The following SENP7 variants were observed in gnomAD, a reference collection of about 807,000 sequenced individuals.
SENP7 encodes the protein SUMO specific peptidase 7, also known as sentrin-specific protease 7.
SENP7 carries 64 observed loss-of-function variants against 141.2 expected under a neutral mutation model. That is an observed-to-expected ratio of 0.45 (90% CI 0.37 to 0.56). The LOEUF (loss-of-function observed/expected upper bound fraction) is 0.56, where lower values mean the gene tolerates loss of function less well. Among genes scored for constraint, SENP7 ranks in the 20% least tolerant of loss-of-function variants. SENP7 has a pLI of 0.00. For synonymous variants in SENP7, 382 were observed against 426.4 expected (o/e 0.90, Z 1.28); for missense variants, 1,025 against 1,212.2 (o/e 0.85, Z 2.29).
intron 3 of SENP7, 94 bp from the exon 4 acceptor site, chr3:101,459,146 C>T (rs77035222): frequency 9.8e-5 from 62 of 632,526 alleles, no homozygotes; most frequent in African/African-American, 5.4e-4. Flanking sequence ...TTGTTATAAA[C>T]GATCAAATAC....
At chr3:101,498,461 T>G (rs774973373) in intron 2 of SENP7, among the ~76,000 whole-genome samples, 1 of 152,076 alleles carries the variant, frequency 6.6e-6, no homozygotes, top group Non-Finnish European at 1.5e-5. Context: ...ATAACCTTAA[T>G]CTAATCTTGA....
intron 13 of SENP7, 88 bp from the exon 14 acceptor site, chr3:101,344,042 G>GTTGGAATA (rs2059392962): frequency 1.1e-6 from 1 of 931,918 alleles, no homozygotes; most frequent in African/African-American, 1.7e-5. Flanking sequence ...TAATAGTAAG[G>GTTGGAATA]TTGGAATATA....
chr3:101,351,629 A>G lies in SENP7; in HGVS notation c.1646T>C (p.Ile549Thr). The G allele has an allele frequency of 7.4e-7, 1 of 1,352,748 alleles. No individual in the cohort carries two copies. Among genetic ancestry groups the G allele is most frequent in the Non-Finnish European group, 9.7e-7 (1 of 1,029,452 alleles). 83.8% of individuals were successfully genotyped at this position (1,352,748 alleles called of 1,614,324 possible). The part of the protein sequence containing the change: ...CVTITKKYIK[I>T]PFQVSLNEIS... ...GAATGATAACTTACCTTGAAATGGG[A>G]TCTTAATATATTTTTTTGTGATCTG... Residue 549 changes from isoleucine to threonine, a missense_variant, in exon 12 of 24, where the codon ATC (isoleucine) becomes ACC (threonine). This residue lies in a region of SENP7 where 228 missense variants were observed against 228.5 expected (regional missense o/e 1.00). Transcript: ENST00000394095.
intron 3 of SENP7, among the ~76,000 whole-genome samples, chr3:101,477,193 G>A (rs1445299946): frequency 4.6e-5 from 7 of 151,942 alleles, no homozygotes; most frequent in Admixed American, 4.6e-4. Context: ...GCCCTGAATG[G>A]TATTACCTAA....
chr3:101,381,568 C>A (rs1435022178), intron 6 of SENP7, among the ~76,000 whole-genome samples: 2 of 151,648 alleles, frequency 1.3e-5, no homozygotes, highest in Admixed American at 6.6e-5. Context: ...CATTATTGTT[C>A]AAATTAGGAA....
Position 101,336,130 on chromosome 3 carries a change from T to C in SENP7, c.2480+1379A>G, listed in dbSNP as rs182312372. 4.6e-5 allele frequency among the ~76,000 whole-genome samples: 7 copies of C among 152,348 alleles called. No individual in the cohort carries two copies. The East Asian group carries it at 1.3e-3, about 29-fold the overall frequency. On this transcript the variant is annotated intron_variant, in intron 17 of 23. Transcript: ENST00000394095. ...GTTGAACTTTGAAACTGGAAAGCTATATCCAACTTTGAAAAACTCATATAA... is the reference window on the plus strand; with the variant it reads ...GTTGAACTTTGAAACTGGAAAGCTACATCCAACTTTGAAAAACTCATATAA...
At chr3:101,450,538 A>T (rs2063089601) in intron 4 of SENP7, among the ~76,000 whole-genome samples, 2 of 152,162 alleles carry the variant, frequency 1.3e-5, no homozygotes, top group African/African-American at 2.4e-5. Flanking sequence ...GCAATTAAAC[A>T]AGAACTCACG....
At chr3:101,358,028 G>T in intron 11 of SENP7, 1 of 591,994 alleles carries the variant, frequency 1.7e-6, no homozygotes, top group South Asian at 1.7e-5. Context: ...TGTTAAATGT[G>T]GCAAAGCCTT....
At chr3:101,358,112 T>C (rs1201421098) in intron 11 of SENP7, 8 of 530,022 alleles carry the variant, frequency 1.5e-5, no homozygotes, top group Non-Finnish European at 2.6e-5. Flanking sequence ...TGTGGCAAAA[T>C]TTTAACTGTT....
chr3:101,509,436 A>T (rs553039909), intron 1 of SENP7, among the ~76,000 whole-genome samples: 2 of 151,778 alleles, frequency 1.3e-5, no homozygotes, highest in South Asian at 2.1e-4. Context: ...AAAGGCTAAC[A>T]TTTTTTTTAC....
chr3:101,347,959 T>C lies in SENP7; in HGVS notation c.1750A>G (p.Ser584Gly). The change falls in exon 13 of 24, where the codon AGT (serine) becomes GGT (glycine). Residue 584 changes from serine (S) to glycine (G), a missense_variant. This residue lies in a region of SENP7 where 228 missense variants were observed against 228.5 expected (regional missense o/e 1.00). Transcript: ENST00000394095. ...KSKDDNHSKRSHAILFFWVSS... is the reference protein window; with the variant it reads ...KSKDDNHSKRGHAILFFWVSS... ...ACCCAGAAGAAAAGAATAGCATGAC[T>C]CCTTTTACTGTGATTATCATCCTTA... 6.2e-7 allele frequency: 1 copy of C among 1,610,388 alleles called. No individual in the cohort carries two copies. Among genetic ancestry groups the C allele is most frequent in the Non-Finnish European group, 8.5e-7 (1 of 1,177,236 alleles).
intron 5 of SENP7, among the ~76,000 whole-genome samples, chr3:101,403,818 C>CGA (rs2061222810): frequency 6.6e-6 from 1 of 152,088 alleles, no homozygotes; most frequent in Non-Finnish European, 1.5e-5. Flanking sequence ...CAATCTCATT[C>CGA]ATAACAGCCA....
intron 3 of SENP7, among the ~76,000 whole-genome samples, chr3:101,466,479 G>A (rs1009016996): frequency 1.3e-5 from 2 of 152,134 alleles, no homozygotes; most frequent in Non-Finnish European, 2.9e-5. Context: ...TAAAATGTCA[G>A]TCAATAATAC....
chr3:101,412,823 A>C (rs1237926837), intron 5 of SENP7, among the ~76,000 whole-genome samples: 1 of 152,156 alleles, frequency 6.6e-6, no homozygotes, highest in Non-Finnish European at 1.5e-5. Context: ...TGAACCATAC[A>C]TGGAGATAAA....
chr3:101,393,354 TAAAAGCTTTTGTACAACCAATG>T (rs1307037905), intron 6 of SENP7, among the ~76,000 whole-genome samples: 2 of 152,026 alleles, frequency 1.3e-5, no homozygotes, highest in Non-Finnish European at 2.9e-5. Context: ...ACATCAAAAT[TAAAAGCTTTTGTACAACCAATG>T]AAATCATTTT....
chr3:101,499,535 A>ATTTTTTTTTTTT (rs55855998), intron 2 of SENP7, among the ~76,000 whole-genome samples: 47 of 138,776 alleles, frequency 3.4e-4, no homozygotes, highest in South Asian at 4.6e-4. Context: ...TGCCCAGCTA[A>ATTTTTTTTTTTT]TTTTTTTTTT....
intron 3 of SENP7, among the ~76,000 whole-genome samples, chr3:101,480,442 T>C (rs995360242): frequency 2.6e-5 from 4 of 152,152 alleles, no homozygotes; most frequent in Admixed American, 2.6e-4. Flanking sequence ...CTTCAATAAA[T>C]GGTGCTGAGA....
chr3:101,364,822 GA>G lies in SENP7; in HGVS notation c.1476+11del. On this transcript the variant is annotated intron_variant, in intron 10 of 23. Transcript: ENST00000394095. ...TTCATTGTTAATCTATGAGAAGACA[GA>G]AATAAATTACCTGTACAGATTCACA... is the stretch of plus-strand genomic sequence containing the variant. 1 of 1,540,350 alleles carries G rather than the reference GA, an allele frequency of 6.5e-7. No homozygotes were observed. Among genetic ancestry groups the G allele is most frequent in the Non-Finnish European group, 8.8e-7 (1 of 1,133,710 alleles).
intron 3 of SENP7, among the ~76,000 whole-genome samples, chr3:101,469,982 T>C (rs1381179957): frequency 6.6e-6 from 1 of 151,996 alleles, no homozygotes. Context: ...GACTACTATG[T>C]AAGTAACAAA....
Sources: gnomAD v4.1 joint callset for allele counts (sites outside exome capture counted in the v4.1 genomes callset) on GRCh38, gnomAD v4.1.1 for gene constraint, gnomAD v4.1.1 regional missense constraint, MANE v1.5 for transcripts, NCBI Gene and HGNC (gene_info 2026-07-23, HGNC 2026-07-21) for gene names.